FOXJ3: variants seen among roughly 807,000 people sequenced by gnomAD.
FOXJ3 encodes forkhead box protein J3.
Under a neutral mutation model 76.1 loss-of-function variants are expected in FOXJ3, and 22 were observed. That is an observed-to-expected ratio of 0.29 (90% CI 0.21 to 0.41). The LOEUF (loss-of-function observed/expected upper bound fraction) is 0.41, where lower values mean the gene tolerates loss of function less well. Ranked by LOEUF, FOXJ3 falls within the 10% of genes least tolerant of loss-of-function variation. The probability of loss-of-function intolerance (pLI) is 1.00; values close to 1 mark genes in which losing one functional copy is unlikely to be tolerated. For missense variants in FOXJ3, 613 were observed against 762.1 expected (o/e 0.80, Z 2.30); for synonymous variants, 269 against 261.2 (o/e 1.03, Z -0.29).
Position 42,191,422 on chromosome 1 carries a change from T to C in FOXJ3, c.1232A>G (p.Gln411Arg). The C allele has an allele frequency of 6.2e-7, 1 of 1,611,344 alleles. No homozygotes were observed. The highest frequency in any genetic ancestry group is 8.5e-7 in the Non-Finnish European group (1 of 1,177,676). ...AGAGGGATGCTGGGGGTGAGGGGACTGGAGCTGGCTGTGTTGCTGTGGGTG... is the reference window on the plus strand; with the variant it reads ...AGAGGGATGCTGGGGGTGAGGGGACCGGAGCTGGCTGTGTTGCTGTGGGTG... The part of the protein sequence containing the change: ...APHPQQHSQL[Q>R]SPHPQHPSPH... Residue 411 changes from glutamine to arginine, a missense_variant, in exon 9 of 13, where the codon CAG (glutamine) becomes CGG (arginine). Physicochemically the swap from Gln to Arg is conservative, Grantham distance 43. Around this residue, in one of 3 missense-constraint regions of FOXJ3, gnomAD observed 526 missense variants for 601.4 expected, o/e 0.87. Transcript: ENST00000361346.
intron 4 of FOXJ3, among the ~76,000 whole-genome samples, chr1:42,258,561 C>T (rs1032067142): frequency 1.3e-5 from 2 of 152,150 alleles, no homozygotes; most frequent in African/African-American, 4.8e-5. Flanking sequence ...CCAATGCCTG[C>T]TTAGGTCCTT....
At chr1:42,248,825 C>T (rs1479804343) in intron 4 of FOXJ3, among the ~76,000 whole-genome samples, 2 of 141,832 alleles carry the variant, frequency 1.4e-5, no homozygotes, top group African/African-American at 5.3e-5. Context: ...TGGTGGTTTA[C>T]TGCACCTAAC....
chr1:42,274,693 G>A (rs1652126395), intron 3 of FOXJ3, among the ~76,000 whole-genome samples: 1 of 152,046 alleles, frequency 6.6e-6, no homozygotes, highest in Non-Finnish European at 1.5e-5. Flanking sequence ...AATAATAAAA[G>A]CAGCTATTAT....
intron 2 of FOXJ3, among the ~76,000 whole-genome samples, chr1:42,295,318 T>C (rs1042161819): frequency 6.6e-6 from 1 of 152,162 alleles, no homozygotes; most frequent in Admixed American, 6.5e-5. Flanking sequence ...TGGTATTTGA[T>C]TTTGTTTCTG....
chr1:42,298,323 C>G (rs1452871456), intron 2 of FOXJ3, among the ~76,000 whole-genome samples: 2 of 152,114 alleles, frequency 1.3e-5, no homozygotes, highest in Non-Finnish European at 2.9e-5. Flanking sequence ...AGAAGTTTTC[C>G]TTTATTACTG....
chr1:42,249,213 T>A (rs1413498839), intron 4 of FOXJ3, among the ~76,000 whole-genome samples: 3 of 152,190 alleles, frequency 2.0e-5, no homozygotes, highest in Non-Finnish European at 4.4e-5. Context: ...TACATGTGCA[T>A]GTATCTTTAA....
chr1:42,331,360 C>T (rs528862572), intron 1 of FOXJ3, among the ~76,000 whole-genome samples: 7 of 151,664 alleles, frequency 4.6e-5, no homozygotes, highest in Non-Finnish European at 7.4e-5. Flanking sequence ...CCAGCCTAGG[C>T]GACAGAGAGA....
intron 1 of FOXJ3, among the ~76,000 whole-genome samples, chr1:42,316,266 T>G (rs566851186): frequency 4.6e-5 from 7 of 151,564 alleles, no homozygotes; most frequent in Non-Finnish European, 8.8e-5. Flanking sequence ...ACTTCTGAGC[T>G]CAAGCAAACC....
intron 7 of FOXJ3, among the ~76,000 whole-genome samples, chr1:42,197,351 G>GA (rs963155736): frequency 3.0e-4 from 45 of 151,168 alleles, no homozygotes; most frequent in African/African-American, 1.1e-3. Flanking sequence ...AAAAAAGAGA[G>GA]AAAAAAAGGG....
intron 1 of FOXJ3, among the ~76,000 whole-genome samples, chr1:42,332,613 C>G (rs993875743): frequency 6.6e-6 from 1 of 152,166 alleles, no homozygotes; most frequent in African/African-American, 2.4e-5. Context: ...GATGCATCAT[C>G]TTACTCTCAT....
intron 9 of FOXJ3, among the ~76,000 whole-genome samples, chr1:42,190,359 C>G (rs570412845): frequency 6.6e-6 from 1 of 152,314 alleles, no homozygotes; most frequent in South Asian, 2.1e-4. Context: ...TACTTGATTA[C>G]AAAATTCTGC....
At chr1:42,290,950 T>C (rs1478688010) in intron 2 of FOXJ3, among the ~76,000 whole-genome samples, 1 of 152,132 alleles carries the variant, frequency 6.6e-6, no homozygotes, top group African/African-American at 2.4e-5. Flanking sequence ...CAAGGTTTAC[T>C]GTAAAATTCC....
chr1:42,264,979 A>T, intron 4 of FOXJ3, 136 bp downstream of exon 4: 1 of 718,400 alleles, frequency 1.4e-6, no homozygotes, highest in Non-Finnish European at 2.5e-6. Flanking sequence ...AAACTCTCTA[A>T]CAAGCTTTAG....
chr1:42,320,632 T>C (rs1312230580), intron 1 of FOXJ3, among the ~76,000 whole-genome samples: 1 of 152,196 alleles, frequency 6.6e-6, no homozygotes, highest in East Asian at 1.9e-4. Context: ...GTATACGATA[T>C]TAGATCACAT....
chr1:42,331,470 G>T (rs1317344918), intron 1 of FOXJ3, among the ~76,000 whole-genome samples: 1 of 152,126 alleles, frequency 6.6e-6, no homozygotes, highest in Non-Finnish European at 1.5e-5. Context: ...ACATACAGTG[G>T]AATATTATTT....
chr1:42,300,381 G>A (rs561604963), intron 2 of FOXJ3, among the ~76,000 whole-genome samples: 26 of 152,102 alleles, frequency 1.7e-4, no homozygotes, highest in Non-Finnish European at 2.5e-4. Flanking sequence ...TTTCTTATAC[G>A]ATCAGTATAG....
intron 1 of FOXJ3, among the ~76,000 whole-genome samples, chr1:42,333,634 G>A (rs1477598605): frequency 2.0e-5 from 3 of 152,114 alleles, no homozygotes; most frequent in African/African-American, 7.2e-5. Context: ...AGGAGGAATA[G>A]GCTTCTCTCA....
intron 2 of FOXJ3, among the ~76,000 whole-genome samples, chr1:42,309,135 T>C (rs1407660061): frequency 1.3e-5 from 2 of 151,748 alleles, no homozygotes; most frequent in East Asian, 3.9e-4. Flanking sequence ...TTCTGGAAAA[T>C]CAGGATTTCT....
intron 4 of FOXJ3, among the ~76,000 whole-genome samples, chr1:42,237,437 C>CATAT (rs1192214665): frequency 6.6e-5 from 9 of 137,202 alleles, no homozygotes; most frequent in African/African-American, 1.6e-4. Context: ...TACATACATA[C>CATAT]ATATATATAT....
Sources: allele counts gnomAD v4.1 joint callset (sites outside exome capture counted in the v4.1 genomes callset), GRCh38; gene constraint gnomAD v4.1.1; regional missense constraint gnomAD v4.1.1; transcripts MANE v1.5; gene names NCBI Gene and HGNC (gene_info 2026-07-23, HGNC 2026-07-21).